KCNB2: variants seen among roughly 807,000 people sequenced by gnomAD.
KCNB2 encodes the protein potassium voltage-gated channel subfamily B member 2, also known as delayed rectifier potassium channel protein.
Under a neutral mutation model 61.5 loss-of-function variants are expected in KCNB2, and 15 were observed. The ratio of observed to expected loss-of-function variants is 0.24; its 90% confidence interval spans 0.16 to 0.38. The LOEUF is 0.38. Among genes scored for constraint, KCNB2 ranks in the 10% least tolerant of loss-of-function variants. The pLI, the probability that KCNB2 is intolerant of heterozygous loss-of-function variation, is 1.00. For missense variants in KCNB2, 828 were observed against 1,125.2 expected, an observed-to-expected ratio of 0.74 and a Z score of 3.78; for synonymous variants, 457 against 446.0, an observed-to-expected ratio of 1.02 and a Z score of -0.31.
At chr8:72,639,895 A>T (rs1055589290) in intron 2 of KCNB2, among the ~76,000 whole-genome samples, 1 of 152,092 alleles carries the variant, frequency 6.6e-6, no homozygotes, top group African/African-American at 2.4e-5. Flanking sequence ...AATAGAAATA[A>T]GGAATGGAAA....
chr8:72,788,586 T>C (rs762785926), intron 2 of KCNB2, among the ~76,000 whole-genome samples: 9 of 151,924 alleles, frequency 5.9e-5, no homozygotes, highest in African/African-American at 1.2e-4. Context: ...ACTCTACTTA[T>C]AAAAAGTAGA....
intron 2 of KCNB2, among the ~76,000 whole-genome samples, chr8:72,896,185 T>C (rs954826541): frequency 3.9e-5 from 6 of 152,184 alleles, no homozygotes; most frequent in African/African-American, 1.4e-4. Context: ...AGCTTAACTC[T>C]AATGACAAGT....
At chr8:72,704,450 G>T (rs551592765) in intron 2 of KCNB2, among the ~76,000 whole-genome samples, 1 of 152,060 alleles carries the variant, frequency 6.6e-6, no homozygotes, top group East Asian at 1.9e-4. Flanking sequence ...AGGAGTTACT[G>T]AAATGGCAAA....
At chr8:72,903,944 G>A (rs1019563520) in intron 2 of KCNB2, among the ~76,000 whole-genome samples, 6 of 152,064 alleles carry the variant, frequency 3.9e-5, no homozygotes, top group South Asian at 4.2e-4. Flanking sequence ...AGATAAAACC[G>A]TGCAGAAATA....
chr8:72,743,643 A>G (rs1403354238), intron 2 of KCNB2, among the ~76,000 whole-genome samples: 1 of 152,190 alleles, frequency 6.6e-6, no homozygotes, highest in Non-Finnish European at 1.5e-5. Context: ...TAACTCATTT[A>G]AATTACTTGC....
intron 2 of KCNB2, among the ~76,000 whole-genome samples, chr8:72,763,909 G>A (rs767092723): frequency 2.6e-5 from 4 of 152,152 alleles, no homozygotes; most frequent in Non-Finnish European, 5.9e-5. Context: ...GGCTTTGGTA[G>A]GAAGGTGGAG....
chr8:72,818,577 A>G (rs987447688), intron 2 of KCNB2, among the ~76,000 whole-genome samples: 14 of 152,226 alleles, frequency 9.2e-5, no homozygotes, highest in African/African-American at 3.4e-4. Flanking sequence ...AGAATCTTCT[A>G]GGTAATAATG....
chr8:72,851,255 G>T (rs1248788024), intron 2 of KCNB2, among the ~76,000 whole-genome samples: 1 of 6,514 alleles, frequency 1.5e-4, no homozygotes, highest in Non-Finnish European at 1.4e-3. Context: ...TGAAACTTCT[G>T]TGTGCTGAGC....
intron 2 of KCNB2, among the ~76,000 whole-genome samples, chr8:72,817,706 G>A (rs1250940689): frequency 6.6e-6 from 1 of 152,074 alleles, no homozygotes; most frequent in Non-Finnish European, 1.5e-5. Context: ...GGAATTTATG[G>A]GTGAGTTGCC....
chr8:72,864,945 T>C (rs143136383), intron 2 of KCNB2, among the ~76,000 whole-genome samples: 2 of 152,332 alleles, frequency 1.3e-5, no homozygotes, highest in East Asian at 3.9e-4. Context: ...ATGTTTGTCC[T>C]GCTGACACCT....
chr8:72,650,950 A>T (rs574897581), intron 2 of KCNB2, among the ~76,000 whole-genome samples: 6 of 152,162 alleles, frequency 3.9e-5, no homozygotes, highest in Admixed American at 2.6e-4. Flanking sequence ...AGACGAATAC[A>T]TTTGGAAACC....
At chr8:72,601,363 C>T (rs192588067) in intron 2 of KCNB2, among the ~76,000 whole-genome samples, 91 of 152,246 alleles carry the variant, frequency 6.0e-4, no homozygotes, top group Non-Finnish European at 1.0e-3. Flanking sequence ...GAAATACTGT[C>T]ATTAGATGTT....
At position 72,721,428 on chromosome 8, in the gene KCNB2, A is replaced by G. The variant is rs1480501813; in HGVS notation, c.579+153115A>G. ...TATTCCAGCCATATTCCCACTATCTAGCAAGAAATCTGGTAAATAATACAT... is the reference window on the plus strand; with the variant it reads ...TATTCCAGCCATATTCCCACTATCTGGCAAGAAATCTGGTAAATAATACAT... On this transcript the variant is annotated intron_variant, in intron 2 of 2. Transcript: ENST00000523207. Among the ~76,000 whole-genome samples the G allele has an allele frequency of 5.3e-5, 8 of 152,266 alleles. No homozygotes were observed. In the South Asian group the frequency reaches 1.7e-3, roughly 31 times the overall value.
chr8:72,648,340 T>G (rs1806163171), intron 2 of KCNB2, among the ~76,000 whole-genome samples: 1 of 152,204 alleles, frequency 6.6e-6, no homozygotes, highest in Non-Finnish European at 1.5e-5. Flanking sequence ...TGACTGTGTT[T>G]GGAAGAAAGT....
chr8:72,737,827 C>G (rs1807875235), intron 2 of KCNB2, among the ~76,000 whole-genome samples: 1 of 152,024 alleles, frequency 6.6e-6, no homozygotes, highest in Admixed American at 6.6e-5. Flanking sequence ...GCCTTTAACT[C>G]CTAACATTTG....
At chr8:72,578,250 T>C (rs1266986847) in intron 2 of KCNB2, among the ~76,000 whole-genome samples, 2 of 152,180 alleles carry the variant, frequency 1.3e-5, no homozygotes, top group African/African-American at 4.8e-5. Context: ...CCTGTTCTAT[T>C]TCAGTGCATT....
chr8:72,572,261 G>A (rs567416291), intron 2 of KCNB2, among the ~76,000 whole-genome samples: 16 of 152,156 alleles, frequency 1.1e-4, no homozygotes, highest in Non-Finnish European at 2.4e-4. Context: ...AGCATAAGTG[G>A]ATGTGTGTGC....
intron 2 of KCNB2, among the ~76,000 whole-genome samples, chr8:72,675,517 G>T (rs1806638843): frequency 7.7e-6 from 1 of 130,222 alleles, no homozygotes; most frequent in Admixed American, 7.0e-5. Context: ...ATCTGCAGTC[G>T]GATTTTTTTT....
At chr8:72,817,923 T>C (rs1033326503) in intron 2 of KCNB2, among the ~76,000 whole-genome samples, 7 of 152,158 alleles carry the variant, frequency 4.6e-5, no homozygotes, top group African/African-American at 1.7e-4. Context: ...TTCAAACCAA[T>C]AAAGTGTTTT....
Sources: gnomAD v4.1 joint callset for allele counts (sites outside exome capture counted in the v4.1 genomes callset) on GRCh38, gnomAD v4.1.1 for gene constraint, MANE v1.5 for transcripts, NCBI Gene and HGNC (gene_info 2026-07-23, HGNC 2026-07-21) for gene names.